The following CRACD variants were observed in gnomAD, a reference collection of about 807,000 sequenced individuals.
CRACD encodes the protein capping protein inhibiting regulator of actin dynamics, also known as capping protein-inhibiting regulator of actin dynamics.
Under a neutral mutation model 106.8 loss-of-function variants are expected in CRACD, and 56 were observed. That is an observed-to-expected ratio of 0.52 (90% CI 0.42 to 0.66). The LOEUF (loss-of-function observed/expected upper bound fraction) is 0.66, where lower values mean the gene tolerates loss of function less well. CRACD is among the 30% of genes least tolerant of loss of function. CRACD has a pLI of 0.00. For missense variants in CRACD, 1,730 were observed against 1,623.2 expected (o/e 1.07, Z -1.13); for synonymous variants, 754 against 670.8 (o/e 1.12, Z -1.92).
intron 1 of CRACD, among the ~76,000 whole-genome samples, chr4:56,142,084 TA>T (rs757544415): frequency 6.6e-6 from 1 of 152,208 alleles, no homozygotes; most frequent in Non-Finnish European, 1.5e-5. Flanking sequence ...AAAAGAAAAT[TA>T]AAAAACCACA....
At chr4:56,312,898 T>C (rs567640749) in intron 6 of CRACD, among the ~76,000 whole-genome samples, 2 of 152,354 alleles carry the variant, frequency 1.3e-5, no homozygotes, top group East Asian at 3.9e-4. Flanking sequence ...CTCCTGGCTA[T>C]GTTTTGCTAA....
intron 8 of CRACD, among the ~76,000 whole-genome samples, chr4:56,319,239 C>T (rs904607282): frequency 1.3e-5 from 2 of 152,062 alleles, no homozygotes; most frequent in Non-Finnish European, 2.9e-5. Flanking sequence ...TTAAACATAC[C>T]ATTTGTTATT....
chr4:56,205,124 C>T (rs1648384915), intron 2 of CRACD, among the ~76,000 whole-genome samples: 1 of 152,100 alleles, frequency 6.6e-6, no homozygotes, highest in African/African-American at 2.4e-5. Flanking sequence ...CCACTGCACT[C>T]TAGCCTTGGC....
intron 1 of CRACD, among the ~76,000 whole-genome samples, chr4:56,078,212 A>G (rs1732907950): frequency 1.3e-5 from 2 of 151,286 alleles, no homozygotes; most frequent in South Asian, 4.2e-4. Flanking sequence ...TTGTTGTTTT[A>G]TTGGTTTCAT....
At chr4:56,079,222 G>A (rs1042262113) in intron 1 of CRACD, among the ~76,000 whole-genome samples, 2 of 152,020 alleles carry the variant, frequency 1.3e-5, no homozygotes, top group African/African-American at 2.4e-5. Context: ...GGTCAAATAG[G>A]CTTTTCATTT....
chr4:56,212,191 A>G (rs1738443913), intron 2 of CRACD, among the ~76,000 whole-genome samples: 1 of 152,212 alleles, frequency 6.6e-6, no homozygotes, highest in African/African-American at 2.4e-5. Context: ...ATTATAATAC[A>G]TTAGTATGCC....
chr4:56,228,926 C>A (rs1739463052), intron 2 of CRACD, among the ~76,000 whole-genome samples: 1 of 152,164 alleles, frequency 6.6e-6, no homozygotes, highest in Non-Finnish European at 1.5e-5. Flanking sequence ...ATATAAAATC[C>A]TTGAGCCTAT....
chr4:56,226,427 T>G (rs1300407167), intron 2 of CRACD, among the ~76,000 whole-genome samples: 1 of 152,170 alleles, frequency 6.6e-6, no homozygotes, highest in Non-Finnish European at 1.5e-5. Flanking sequence ...GTGAGTTTTC[T>G]TGGCCCTTTT....
intron 2 of CRACD, among the ~76,000 whole-genome samples, chr4:56,211,497 G>A (rs1165694235): frequency 2.0e-5 from 3 of 152,234 alleles, no homozygotes; most frequent in Admixed American, 2.0e-4. Context: ...CAGTTCCTGA[G>A]TTCTTGTCCC....
intron 1 of CRACD, among the ~76,000 whole-genome samples, chr4:56,108,636 T>C (rs368517123): frequency 3.3e-5 from 5 of 152,026 alleles, no homozygotes; most frequent in African/African-American, 1.2e-4. Flanking sequence ...TGATATTTAT[T>C]GCATACAAGA....
At chr4:56,300,242 A>C (rs1357165392) in intron 4 of CRACD, among the ~76,000 whole-genome samples, 1 of 152,230 alleles carries the variant, frequency 6.6e-6, no homozygotes. Context: ...TATTCCACAT[A>C]ACACCCAGCT....
At chr4:56,120,580 G>T (rs1340589926) in intron 1 of CRACD, among the ~76,000 whole-genome samples, 1 of 152,008 alleles carries the variant, frequency 6.6e-6, no homozygotes, top group Non-Finnish European at 1.5e-5. Context: ...CAGAATATAC[G>T]ATTTCCCTGC....
intron 1 of CRACD, among the ~76,000 whole-genome samples, chr4:56,091,988 G>A (rs1733437902): frequency 1.3e-5 from 2 of 152,076 alleles, no homozygotes; most frequent in African/African-American, 4.8e-5. Context: ...TTTGAGACCA[G>A]CCAAGGCAAC....
intron 2 of CRACD, among the ~76,000 whole-genome samples, chr4:56,200,747 G>A (rs987118306): frequency 9.2e-5 from 14 of 152,152 alleles, no homozygotes; most frequent in Admixed American, 1.3e-4. Context: ...AGTAGAAAGT[G>A]TAGAAAGTTC....
Position 56,315,860 on chromosome 4 carries a change from C to T in CRACD, c.2358C>T (p.Thr786=), listed in dbSNP as rs760640178. ...TGCACCGGGAGCCCGCAGACACCAC[C>T]GAGGGATGCAAATTTGCCAAAGACC... The part of the protein sequence containing the change: ...SEMHREPADT[T]EGCKFAKDLP... The change falls in exon 8 of 11, where the codon ACC becomes ACT. Residue 786 remains threonine (T), a synonymous_variant. Transcript: ENST00000682029. The surrounding 1 kb of genome is among the most constrained non-coding windows in gnomAD (Gnocchi z 4.1). 11 of 1,614,104 alleles carry T rather than the reference C, an allele frequency of 6.8e-6. No homozygotes were observed. The highest frequency in any genetic ancestry group is 3.3e-5 in the South Asian group (3 of 91,086).
intron 3 of CRACD, among the ~76,000 whole-genome samples, chr4:56,290,961 C>T (rs1743671002): frequency 6.6e-6 from 1 of 152,174 alleles, no homozygotes; most frequent in African/African-American, 2.4e-5. Context: ...TTGGCTTTTA[C>T]CATGCGTGCT....
chr4:56,161,162 G>A (rs1735937009), intron 1 of CRACD, among the ~76,000 whole-genome samples: 2 of 152,026 alleles, frequency 1.3e-5, no homozygotes, highest in Non-Finnish European at 2.9e-5. Context: ...GATTTGTAGG[G>A]GTAACTCAGC....
intron 2 of CRACD, among the ~76,000 whole-genome samples, chr4:56,207,691 T>C (rs1738192694): frequency 6.8e-6 from 1 of 146,356 alleles, no homozygotes; most frequent in Non-Finnish European, 1.5e-5. Context: ...GAGATAAGAG[T>C]TCTCATGATA....
chr4:56,326,507 C>T lies in CRACD; in HGVS notation c.3542-1137C>T, dbSNP rs1437274954. Among the ~76,000 whole-genome samples the T allele has an allele frequency of 2.0e-5, 3 of 152,202 alleles. No homozygotes were observed. In the East Asian group the frequency reaches 5.8e-4, roughly 29 times the overall value. On this transcript the variant is annotated intron_variant, in intron 10 of 10. Transcript: ENST00000682029. ...CAAGTCTTTGTTCTGAAGTATTTGT[C>T]TTCTCAGTCAGTATTTCCTGAGTTC...
Sources: allele counts gnomAD v4.1 joint callset (sites outside exome capture counted in the v4.1 genomes callset), GRCh38; gene constraint gnomAD v4.1.1; non-coding constraint Gnocchi (gnomAD v3.1); transcripts MANE v1.5; gene names NCBI Gene and HGNC (gene_info 2026-07-23, HGNC 2026-07-21).